Variants in ZNF385B observed in about 807,000 individuals in gnomAD.
ZNF385B encodes zinc finger protein 385B, also known as zinc finger protein 533.
In ZNF385B, 23 loss-of-function variants were observed where a neutral mutation model predicts 39.2. The ratio of observed to expected loss-of-function variants is 0.59; its 90% CI spans 0.42 to 0.83. ZNF385B has a LOEUF of 0.83. ZNF385B is among the 40% of genes least tolerant of loss of function. ZNF385B has a pLI of 0.00. For synonymous variants in ZNF385B, 205 were observed against 222.6 expected, an observed-to-expected ratio of 0.92 and a Z score of 0.70; for missense variants, 552 against 598.9, an observed-to-expected ratio of 0.92 and a Z score of 0.82.
chr2:179,831,035 T>C (rs1011124813), intron 1 of ZNF385B, among the ~76,000 whole-genome samples: 1 of 152,186 alleles, frequency 6.6e-6, no homozygotes, highest in African/African-American at 2.4e-5. Flanking sequence ...ATAAAGTCTA[T>C]TACTTTTATT....
intron 3 of ZNF385B, among the ~76,000 whole-genome samples, chr2:179,563,022 G>C (rs1489487983): frequency 2.0e-5 from 3 of 152,056 alleles, no homozygotes; most frequent in African/African-American, 4.8e-5. Context: ...CTTTCCCATG[G>C]ATTTTTAGGT....
intron 3 of ZNF385B, among the ~76,000 whole-genome samples, chr2:179,764,272 C>A (rs893636495): frequency 6.6e-6 from 1 of 152,070 alleles, no homozygotes; most frequent in East Asian, 1.9e-4. Context: ...GCTACCCCTG[C>A]CTTTATTTTT....
chr2:179,688,949 C>T (rs180998956), intron 3 of ZNF385B, among the ~76,000 whole-genome samples: 218 of 152,136 alleles, frequency 1.4e-3, no homozygotes, highest in African/African-American at 5.0e-3. Context: ...TAACAATCAA[C>T]CTAAAGAAAT....
intron 3 of ZNF385B, among the ~76,000 whole-genome samples, chr2:179,719,913 G>A (rs909015044): frequency 1.3e-5 from 2 of 152,154 alleles, no homozygotes; most frequent in East Asian, 3.9e-4. Context: ...AGTTAAGAGG[G>A]AACCATCCAA....
intron 6 of ZNF385B, among the ~76,000 whole-genome samples, chr2:179,480,275 T>C (rs1310839480): frequency 6.6e-6 from 1 of 152,198 alleles, no homozygotes; most frequent in East Asian, 1.9e-4. Flanking sequence ...CTGTGACTTT[T>C]ACTCTAATTT....
At chr2:179,671,926 G>A (rs1696060872) in intron 3 of ZNF385B, among the ~76,000 whole-genome samples, 1 of 152,246 alleles carries the variant, frequency 6.6e-6, no homozygotes, top group Non-Finnish European at 1.5e-5. Flanking sequence ...TAGCAGAACT[G>A]GGACAAAATG....
At chr2:179,709,026 G>T (rs1444345246) in intron 3 of ZNF385B, among the ~76,000 whole-genome samples, 1 of 152,172 alleles carries the variant, frequency 6.6e-6, no homozygotes, top group Non-Finnish European at 1.5e-5. Context: ...ATACCATTTT[G>T]TTGTAGATTT....
At chr2:179,806,979 G>A (rs1385970) in intron 1 of ZNF385B, among the ~76,000 whole-genome samples, 11 of 152,100 alleles carry the variant, frequency 7.2e-5, no homozygotes, top group Non-Finnish European at 1.6e-4. Context: ...CGCTTCTAGA[G>A]GGCTTATAAA....
At chr2:179,778,826 G>A (rs1704498467) in intron 1 of ZNF385B, among the ~76,000 whole-genome samples, 1 of 152,030 alleles carries the variant, frequency 6.6e-6, no homozygotes, top group African/African-American at 2.4e-5. Flanking sequence ...CTACCAAAGT[G>A]AACCACAGTT....
intron 1 of ZNF385B, among the ~76,000 whole-genome samples, chr2:179,794,914 T>C (rs947196919): frequency 2.0e-5 from 3 of 152,002 alleles, no homozygotes; most frequent in Admixed American, 1.3e-4. Context: ...AGTGTAAAGA[T>C]AGGATCTGAA....
At chr2:179,729,140 A>AAC (rs527779501) in intron 3 of ZNF385B, among the ~76,000 whole-genome samples, 16,788 of 150,028 alleles carry the variant, frequency 0.11, 1,467 homozygotes, top group East Asian at 0.49. Context: ...AAAAAAAAAA[A>AAC]AAAAAAACCA....
chr2:179,580,189 G>C (rs2106029533), intron 3 of ZNF385B, among the ~76,000 whole-genome samples: 1 of 150,800 alleles, frequency 6.6e-6, no homozygotes, highest in African/African-American at 2.4e-5. Flanking sequence ...AGCAAGAAAA[G>C]TGCAGAGTGC....
intron 3 of ZNF385B, among the ~76,000 whole-genome samples, chr2:179,644,704 A>G (rs1692563905): frequency 6.6e-6 from 1 of 152,172 alleles, no homozygotes. Flanking sequence ...TTAGACTAAA[A>G]TAAAACCTGA....
intron 1 of ZNF385B, among the ~76,000 whole-genome samples, chr2:179,799,219 G>T (rs780234309): frequency 6.6e-6 from 1 of 151,758 alleles, no homozygotes; most frequent in Admixed American, 6.6e-5. Context: ...CAACATAGTC[G>T]AACGAAAAAG....
chr2:179,559,746 A>G (rs2061202284), intron 3 of ZNF385B, among the ~76,000 whole-genome samples: 1 of 152,162 alleles, frequency 6.6e-6, no homozygotes, highest in Non-Finnish European at 1.5e-5. Context: ...CATATCCATT[A>G]TCTCACATGG....
intron 5 of ZNF385B, among the ~76,000 whole-genome samples, chr2:179,490,485 C>G (rs2055100326): frequency 6.6e-6 from 1 of 151,978 alleles, no homozygotes; most frequent in Admixed American, 6.6e-5. Context: ...GTTTCTTGCC[C>G]ATGACTCATT....
chr2:179,740,856 G>A (rs1702047892), intron 3 of ZNF385B, among the ~76,000 whole-genome samples: 1 of 152,018 alleles, frequency 6.6e-6, no homozygotes, highest in Admixed American at 6.6e-5. Flanking sequence ...ATTGATGAGT[G>A]GAGGCAAAAA....
intron 6 of ZNF385B, among the ~76,000 whole-genome samples, chr2:179,455,391 C>T (rs2050575296): frequency 6.6e-6 from 1 of 151,930 alleles, no homozygotes; most frequent in Non-Finnish European, 1.5e-5. Flanking sequence ...TACCTCCATG[C>T]TGCTGGTTCT....
intron 3 of ZNF385B, among the ~76,000 whole-genome samples, chr2:179,729,562 C>T (rs1008820004): frequency 3.9e-5 from 6 of 152,154 alleles, no homozygotes; most frequent in African/African-American, 1.4e-4. Context: ...TTTCAAGTTG[C>T]ATTAATGCTT....
Sources: allele counts gnomAD v4.1 joint callset (sites outside exome capture counted in the v4.1 genomes callset), GRCh38; gene constraint gnomAD v4.1.1; transcripts MANE v1.5; gene names NCBI Gene and HGNC (gene_info 2026-07-23, HGNC 2026-07-21).